Variants in SOX5 observed in about 807,000 individuals in gnomAD.
SOX5 encodes the protein SRY-box transcription factor 5, also known as transcription factor SOX-5.
In SOX5, 9 loss-of-function variants were observed where a neutral mutation model predicts 92.0. The observed-to-expected ratio is 0.10, with a 90% CI of 0.06 to 0.17. SOX5 has a LOEUF of 0.17. Ranked by LOEUF, SOX5 falls within the 10% of genes least tolerant of loss-of-function variation. SOX5 has a pLI of 1.00. For missense variants in SOX5, 642 were observed against 944.5 expected, an observed-to-expected ratio of 0.68 and a Z score of 4.20; for synonymous variants, 344 against 336.3, an observed-to-expected ratio of 1.02 and a Z score of -0.25.
chr12:24,303,904 CT>C (rs199723463), intron 2 of SOX5, among the ~76,000 whole-genome samples: 16 of 151,380 alleles, frequency 1.1e-4, no homozygotes, highest in African/African-American at 3.1e-4. Flanking sequence ...TTAACTTATT[CT>C]TTTTTTTTGA....
chr12:24,376,642 C>T (rs999743671), intron 1 of SOX5, among the ~76,000 whole-genome samples: 57 of 133,708 alleles, frequency 4.3e-4, no homozygotes, highest in African/African-American at 1.5e-3. Flanking sequence ...TAAGCATTGT[C>T]ATGTGTTACC....
At chr12:23,976,806 C>CTGT (rs755335187) in intron 4 of SOX5, among the ~76,000 whole-genome samples, 2 of 151,698 alleles carry the variant, frequency 1.3e-5, no homozygotes, top group Non-Finnish European at 2.9e-5. Flanking sequence ...TTGTTTTTTT[C>CTGT]TGTTGTTGTT....
intron 4 of SOX5, among the ~76,000 whole-genome samples, chr12:24,031,046 G>A (rs1230269116): frequency 6.6e-6 from 1 of 151,820 alleles, no homozygotes; most frequent in East Asian, 1.9e-4. Flanking sequence ...AAGGTAACAA[G>A]TGTTGGCAAG....
At chr12:23,661,054 C>G (rs2082975631) in intron 7 of SOX5, among the ~76,000 whole-genome samples, 1 of 152,154 alleles carries the variant, frequency 6.6e-6, no homozygotes, top group Non-Finnish European at 1.5e-5. Flanking sequence ...AGCTATATTT[C>G]ATATTCAGTT....
chr12:24,538,911 A>G (rs977612433), intron 1 of SOX5, among the ~76,000 whole-genome samples: 4 of 152,184 alleles, frequency 2.6e-5, no homozygotes, highest in Non-Finnish European at 5.9e-5. Context: ...GATTTTAGAT[A>G]TTGTTAATGA....
intron 6 of SOX5, among the ~76,000 whole-genome samples, chr12:23,719,663 G>A (rs879515740): frequency 4.0e-5 from 6 of 151,740 alleles, no homozygotes; most frequent in Admixed American, 1.3e-4. Flanking sequence ...AGGCTGAGGT[G>A]GGACAATTGC....
chr12:24,097,816 G>C (rs982756361), intron 4 of SOX5, among the ~76,000 whole-genome samples: 1 of 152,212 alleles, frequency 6.6e-6, no homozygotes, highest in South Asian at 2.1e-4. Flanking sequence ...TTCCTCTGAA[G>C]TTTTATCCTA....
intron 4 of SOX5, among the ~76,000 whole-genome samples, chr12:24,102,099 G>C (rs1017390072): frequency 3.3e-5 from 5 of 152,068 alleles, no homozygotes; most frequent in African/African-American, 1.2e-4. Flanking sequence ...ACTGAATACA[G>C]AATTGTTGTT....
intron 1 of SOX5, among the ~76,000 whole-genome samples, chr12:24,399,171 T>C (rs1346243925): frequency 6.6e-6 from 1 of 152,024 alleles, no homozygotes; most frequent in African/African-American, 2.4e-5. Context: ...AATAGCTTTC[T>C]TTTCAAATTT....
At chr12:24,489,135 G>A (rs527609769) in intron 1 of SOX5, among the ~76,000 whole-genome samples, 5 of 152,212 alleles carry the variant, frequency 3.3e-5, no homozygotes, top group East Asian at 1.9e-4. Flanking sequence ...CAACACACAC[G>A]TCCAAATCTC....
intron 4 of SOX5, among the ~76,000 whole-genome samples, chr12:24,175,662 T>C (rs1593939331): frequency 6.6e-6 from 1 of 152,208 alleles, no homozygotes; most frequent in South Asian, 2.1e-4. Context: ...CCTCTATCCA[T>C]ATTCCTCACA....
At chr12:23,689,664 C>T (rs2088377298) in intron 6 of SOX5, among the ~76,000 whole-genome samples, 1 of 152,098 alleles carries the variant, frequency 6.6e-6, no homozygotes, top group South Asian at 2.1e-4. Flanking sequence ...ATGCCATATA[C>T]ATCACCTCAT....
intron 1 of SOX5, among the ~76,000 whole-genome samples, chr12:24,553,908 T>C (rs1566457510): frequency 6.6e-6 from 1 of 152,234 alleles, no homozygotes; most frequent in Non-Finnish European, 1.5e-5. Flanking sequence ...CTTTAGTTCC[T>C]GGTTGGATGT....
chr12:23,762,045 T>C (rs139827173), intron 3 of SOX5, among the ~76,000 whole-genome samples: 2,690 of 152,194 alleles, frequency 0.018, 33 homozygotes, highest in Non-Finnish European at 0.03. Flanking sequence ...CAGTAAGAGT[T>C]CAATTCATGT....
At chr12:23,737,870 T>C (rs770169173) in intron 5 of SOX5, among the ~76,000 whole-genome samples, 8 of 152,234 alleles carry the variant, frequency 5.3e-5, no homozygotes, top group Non-Finnish European at 1.2e-4. Flanking sequence ...TCTGCTCAAA[T>C]GTTCTCAGTC....
chr12:24,409,696 A>G (rs1257786749), intron 1 of SOX5, among the ~76,000 whole-genome samples: 1 of 152,166 alleles, frequency 6.6e-6, no homozygotes, highest in Non-Finnish European at 1.5e-5. Flanking sequence ...CCTTGTCAGC[A>G]TTTGATATTG....
chr12:23,770,021 A>G (rs960556449), intron 3 of SOX5, among the ~76,000 whole-genome samples: 5 of 141,144 alleles, frequency 3.5e-5, no homozygotes, highest in African/African-American at 1.3e-4. Flanking sequence ...GCCTTTTTTC[A>G]TATATTTCAA....
At chr12:24,445,772 C>T (rs1263926330) in intron 1 of SOX5, among the ~76,000 whole-genome samples, 4 of 152,124 alleles carry the variant, frequency 2.6e-5, no homozygotes, top group African/African-American at 9.7e-5. Context: ...CAGTGTCTGA[C>T]CTGGTGATGT....
chr12:24,298,537 T>C (rs990548425), intron 2 of SOX5, among the ~76,000 whole-genome samples: 1 of 152,170 alleles, frequency 6.6e-6, no homozygotes, highest in Admixed American at 6.5e-5. Flanking sequence ...GGGCCAGGTA[T>C]TAGTTATGTA....
Sources: gnomAD v4.1 joint callset for allele counts (sites outside exome capture counted in the v4.1 genomes callset) on GRCh38, gnomAD v4.1.1 for gene constraint, MANE v1.5 for transcripts, NCBI Gene and HGNC (gene_info 2026-07-23, HGNC 2026-07-21) for gene names.